Variants in MTMR12 observed in about 807,000 individuals in gnomAD.
MTMR12 encodes myotubularin-related protein 12.
Under a neutral mutation model 96.7 loss-of-function variants are expected in MTMR12, and 33 were observed. That is an observed-to-expected ratio of 0.34 (90% CI 0.26 to 0.46). The LOEUF (loss-of-function observed/expected upper bound fraction) is 0.46. Ranked by LOEUF, MTMR12 falls within the 20% of genes least tolerant of loss-of-function variation. The pLI is 1.00. For missense variants in MTMR12, 721 were observed against 896.1 expected (o/e 0.80, Z 2.49); for synonymous variants, 298 against 327.2 (o/e 0.91, Z 0.96).
At position 32,228,599 on chromosome 5, in the gene MTMR12, T is replaced by C. The variant is rs1458246650; in HGVS notation, c.*1179A>G. The C allele has an allele frequency of 2.8e-4, 36 of 126,958 alleles. No homozygotes were observed. Among genetic ancestry groups the C allele is most frequent in the African/African-American group, 9.8e-4 (34 of 34,614 alleles). 7.9% of individuals were successfully genotyped at this position (126,958 alleles called of 1,614,324 possible). ...ATATATCATATATATGTGATATATA[T>C]ATATATATCATATATATGATATATA... On this transcript the variant is annotated 3_prime_UTR_variant, in exon 16 of 16. Transcript: ENST00000382142.
intron 6 of MTMR12, among the ~76,000 whole-genome samples, chr5:32,264,601 T>C (rs1581614336): frequency 1.3e-5 from 2 of 152,124 alleles, no homozygotes; most frequent in African/African-American, 4.8e-5. Context: ...GCTGGGATTA[T>C]AGGCACCCAC....
At chr5:32,289,583 C>T (rs1353476790) in intron 1 of MTMR12, among the ~76,000 whole-genome samples, 1 of 152,176 alleles carries the variant, frequency 6.6e-6, no homozygotes, top group Non-Finnish European at 1.5e-5. Context: ...CCGGGGTACC[C>T]AAAGTGTCAC....
At chr5:32,295,986 T>A (rs1482562964) in intron 1 of MTMR12, among the ~76,000 whole-genome samples, 1 of 151,884 alleles carries the variant, frequency 6.6e-6, no homozygotes, top group Non-Finnish European at 1.5e-5. Context: ...AAACCCCATC[T>A]CTACTAAAAA....
chr5:32,308,040 T>C (rs771534129), intron 1 of MTMR12, among the ~76,000 whole-genome samples: 66 of 152,294 alleles, frequency 4.3e-4, no homozygotes, highest in African/African-American at 1.5e-3. Flanking sequence ...TAAGCAACAG[T>C]TGGCTGGGTG....
At chr5:32,268,067 G>A (rs967606574) in intron 6 of MTMR12, among the ~76,000 whole-genome samples, 4 of 152,042 alleles carry the variant, frequency 2.6e-5, no homozygotes, top group African/African-American at 9.7e-5. Context: ...GCCTGACCTC[G>A]TGATCCACCC....
Position 32,233,948 on chromosome 5 carries a change from C to CT in MTMR12, c.1513-15_1513-14insA. On this transcript the variant is annotated splice_polypyrimidine_tract_variant and intron_variant, in intron 14 of 15. Coordinates refer to ENST00000382142, the MANE Select transcript of MTMR12 (RefSeq NM_001040446.3). This position sits in a 1 kb window ranked among gnomAD's most constrained non-coding sequence, Gnocchi z 5.0. The stretch of plus-strand genomic sequence containing the variant: ...GCCTTCTCTACCCTGCCAAAACAAG[C>CT]ACAGGTCATGCTGTTTTCCAGGGAG... The CT allele has an allele frequency of 6.2e-7, 1 of 1,614,100 alleles. No individual in the cohort carries two copies. The highest frequency in any genetic ancestry group is 8.5e-7 in the Non-Finnish European group (1 of 1,179,986).
intron 13 of MTMR12, among the ~76,000 whole-genome samples, chr5:32,237,447 G>A (rs1581589595): frequency 6.6e-6 from 1 of 152,084 alleles, no homozygotes; most frequent in South Asian, 2.1e-4. Flanking sequence ...GAGGCTATGG[G>A]GACATTCCCA....
intron 11 of MTMR12, among the ~76,000 whole-genome samples, chr5:32,242,871 G>A (rs1400775345): frequency 6.6e-6 from 1 of 151,984 alleles, no homozygotes; most frequent in Non-Finnish European, 1.5e-5. Context: ...GCTCCTTTCC[G>A]CAGTACTCAC....
rs1173303927 is a variant in MTMR12 at position 32,248,137 on chromosome 5, A to G, written c.897-11T>C. The G allele has an allele frequency of 6.2e-7, 1 of 1,612,540 alleles. No homozygotes were observed. The highest frequency in any genetic ancestry group is 1.1e-5 in the South Asian group (1 of 90,956). ...ATGGTCTTGTAAATTCTAGGTATCAAAAAGGAATATGAGATTAGAAGAGCA... is the reference window on the plus strand; with the variant it reads ...ATGGTCTTGTAAATTCTAGGTATCAGAAAGGAATATGAGATTAGAAGAGCA... On this transcript the variant is annotated splice_polypyrimidine_tract_variant and intron_variant, in intron 9 of 15. Transcript: ENST00000382142.
chr5:32,278,734 A>C (rs970229442), intron 1 of MTMR12, among the ~76,000 whole-genome samples: 2 of 152,154 alleles, frequency 1.3e-5, no homozygotes, highest in Non-Finnish European at 2.9e-5. Context: ...CTGGGGCTTA[A>C]GCAAGAGGAA....
In MTMR12 at chr5:32,239,159, C is replaced by T. The variant is rs1337217497; in HGVS notation, c.1186G>A (p.Asp396Asn). The change falls in exon 13 of 16, where the codon GAC (aspartate) becomes AAC (asparagine). Residue 396 changes from aspartate (D) to asparagine (N), a missense_variant. Asp to Asn is a conservative substitution (Grantham distance 23). Coordinates refer to ENST00000382142, the MANE Select transcript of MTMR12 (RefSeq NM_001040446.3). ...NVLLLEENAS[D>N]LCCLISSLVQ... ...AGAGAGGAAATGAGACAGCAGAGGT[C>T]GGATGCATTCTCCTCTAGGAGAGGC... The T allele has an allele frequency of 3.8e-6, 6 of 1,599,734 alleles. No homozygotes were observed. The highest frequency in any genetic ancestry group is 1.1e-5 in the South Asian group (1 of 87,616).
intron 1 of MTMR12, among the ~76,000 whole-genome samples, chr5:32,279,512 T>C (rs1052830570): frequency 1.3e-5 from 2 of 152,184 alleles, no homozygotes; most frequent in African/African-American, 4.8e-5. Flanking sequence ...ACAAACATGG[T>C]CTCCAGTTTC....
chr5:32,277,854 G>A (rs1035067415), intron 1 of MTMR12, among the ~76,000 whole-genome samples: 1 of 152,168 alleles, frequency 6.6e-6, no homozygotes, highest in Non-Finnish European at 1.5e-5. Flanking sequence ...AGGAAAACAT[G>A]AATGTATCAA....
In MTMR12 at chr5:32,274,071, T is replaced by A; in HGVS notation, c.194A>T (p.Asp65Val). 6.2e-7 allele frequency: 1 copy of A among 1,614,182 alleles called. No homozygotes were observed. Among genetic ancestry groups the A allele is most frequent in the Non-Finnish European group, 8.5e-7 (1 of 1,180,026 alleles). ...ASTVLKYVQE[D>V]SCQHGVYGRL... ...CCCATAGACCCCATGCTGACAGGAA[T>A]CTTCCTGGACATACTTCAGTACTGT... Residue 65 changes from aspartate to valine, a missense_variant, in exon 3 of 16, where the codon GAT (aspartate) becomes GTT (valine). Asp to Val is a radical substitution (Grantham distance 152). Coordinates refer to ENST00000382142, the MANE Select transcript of MTMR12 (RefSeq NM_001040446.3).
Position 32,276,474 on chromosome 5 carries a change from A to G in MTMR12, c.142+208T>C, listed in dbSNP as rs947991568. ...TTTTCATCAGTTTGGGGGAAGAGGA[A>G]ACAAGAAAAATTCTTTGCAGATGTT... On this transcript the variant is annotated intron_variant, in intron 2 of 15. Transcript: ENST00000382142. 3.3e-5 allele frequency among the ~76,000 whole-genome samples: 5 copies of G among 152,238 alleles called. No individual in the cohort carries two copies. In the East Asian group the frequency reaches 5.8e-4, roughly 18 times the overall value.
intron 15 of MTMR12, among the ~76,000 whole-genome samples, chr5:32,231,469 CAT>C (rs147507772): frequency 2.1e-3 from 308 of 148,120 alleles, no homozygotes; most frequent in Non-Finnish European, 2.8e-3. Flanking sequence ...GAAGTAAAAA[CAT>C]GTGGGGAGAA....
chr5:32,273,212 C>T (rs985629143), intron 3 of MTMR12, among the ~76,000 whole-genome samples: 1 of 152,116 alleles, frequency 6.6e-6, no homozygotes, highest in African/African-American at 2.4e-5. Flanking sequence ...CCAGCATGGG[C>T]AACATGGCAA....
At chr5:32,296,158 C>CAA (rs542451211) in intron 1 of MTMR12, among the ~76,000 whole-genome samples, 5 of 139,324 alleles carry the variant, frequency 3.6e-5, no homozygotes, top group Non-Finnish European at 6.2e-5. Flanking sequence ...GACTCTGTCT[C>CAA]AAAAAAAAAA....
chr5:32,249,280 C>T (rs1748818353), intron 8 of MTMR12, among the ~76,000 whole-genome samples: 1 of 151,984 alleles, frequency 6.6e-6, no homozygotes, highest in Admixed American at 6.6e-5. Flanking sequence ...ATTATTTATC[C>T]CCCTTAACAG....
Sources: allele counts gnomAD v4.1 joint callset (sites outside exome capture counted in the v4.1 genomes callset), GRCh38; gene constraint gnomAD v4.1.1; non-coding constraint Gnocchi (gnomAD v3.1); transcripts MANE v1.5; gene names NCBI Gene and HGNC (gene_info 2026-07-23, HGNC 2026-07-21).